TMEM132B: variants seen among roughly 807,000 people sequenced by gnomAD.
TMEM132B encodes the protein transmembrane protein 132B.
TMEM132B carries 18 observed loss-of-function variants against 90.8 expected under a neutral mutation model. The observed-to-expected ratio is 0.20, with a 90% CI of 0.14 to 0.29. The LOEUF (loss-of-function observed/expected upper bound fraction) is 0.29, where lower values mean the gene tolerates loss of function less well. TMEM132B is among the 10% of genes least tolerant of loss of function. The probability of loss-of-function intolerance (pLI) is 1.00; values close to 1 mark genes in which losing one functional copy is unlikely to be tolerated. For missense variants in TMEM132B, 1,096 were observed against 1,326.8 expected, an observed-to-expected ratio of 0.83 and a Z score of 2.70; for synonymous variants, 504 against 523.3, an observed-to-expected ratio of 0.96 and a Z score of 0.50.
intron 2 of TMEM132B, among the ~76,000 whole-genome samples, chr12:125,357,461 C>A (rs1285418615): frequency 6.6e-6 from 1 of 152,140 alleles, no homozygotes; most frequent in Non-Finnish European, 1.5e-5. Context: ...AATCATATCA[C>A]TTTTTAAAAC....
At chr12:125,343,864 G>C (rs980448903) in intron 1 of TMEM132B, among the ~76,000 whole-genome samples, 9 of 152,186 alleles carry the variant, frequency 5.9e-5, no homozygotes, top group African/African-American at 1.9e-4. Context: ...TGAATGGAGT[G>C]ATAGTGTGAT....
intron 2 of TMEM132B, among the ~76,000 whole-genome samples, chr12:125,394,636 G>A (rs1346031580): frequency 4.6e-5 from 7 of 152,194 alleles, no homozygotes; most frequent in Admixed American, 4.6e-4. Flanking sequence ...TTTGGACAAA[G>A]TAAGTTTGAT....
At chr12:125,404,966 C>A (rs965150657) in intron 2 of TMEM132B, among the ~76,000 whole-genome samples, 5 of 152,182 alleles carry the variant, frequency 3.3e-5, no homozygotes, top group African/African-American at 1.2e-4. Flanking sequence ...TACAGCGTAA[C>A]ATAATAATAA....
At chr12:125,187,826 C>T (rs2136044276) in intron 1 of TMEM132B, among the ~76,000 whole-genome samples, 1 of 142,274 alleles carries the variant, frequency 7.0e-6, no homozygotes, top group South Asian at 2.3e-4. Context: ...AGATGAACCC[C>T]GGGAACAGTC....
chr12:125,334,276 A>G (rs1372045295), intron 1 of TMEM132B, among the ~76,000 whole-genome samples: 2 of 152,212 alleles, frequency 1.3e-5, no homozygotes, highest in Admixed American at 1.3e-4. Context: ...AAGCATGGGT[A>G]TATCATTGCT....
chr12:125,511,152 A>ATATAT (rs375722309), intron 3 of TMEM132B, among the ~76,000 whole-genome samples: 1,844 of 152,192 alleles, frequency 0.012, 13 homozygotes, highest in Middle Eastern at 0.034. Context: ...CAATGGAGTC[A>ATATAT]TATATCCTCT....
chr12:125,604,019 A>G (rs1051785918), intron 5 of TMEM132B, among the ~76,000 whole-genome samples: 16 of 152,222 alleles, frequency 1.1e-4, no homozygotes, highest in Admixed American at 6.5e-4. Context: ...TAGTTCAATC[A>G]TTGTGGAAGA....
intron 1 of TMEM132B, among the ~76,000 whole-genome samples, chr12:125,195,861 G>A (rs1246265765): frequency 6.6e-6 from 1 of 152,178 alleles, no homozygotes; most frequent in Admixed American, 6.5e-5. Context: ...CAGGGTCGAG[G>A]GACAGAAGGG....
At chr12:125,485,742 G>A (rs1483118140) in intron 3 of TMEM132B, among the ~76,000 whole-genome samples, 1 of 152,150 alleles carries the variant, frequency 6.6e-6, no homozygotes, top group Non-Finnish European at 1.5e-5. Context: ...AATATTAAGT[G>A]TTCACTGTGA....
chr12:125,386,144 C>T (rs1007468464), intron 2 of TMEM132B, among the ~76,000 whole-genome samples: 2 of 152,144 alleles, frequency 1.3e-5, no homozygotes, highest in Admixed American at 1.3e-4. Context: ...CTCACCACCA[C>T]TCCTGGCTTG....
At chr12:125,302,452 G>A (rs1470537878) in intron 1 of TMEM132B, among the ~76,000 whole-genome samples, 1 of 152,054 alleles carries the variant, frequency 6.6e-6, no homozygotes, top group Non-Finnish European at 1.5e-5. Context: ...GGATGTGTTA[G>A]ACAAATGCTT....
At chr12:125,597,837 G>A (rs1419818747) in intron 5 of TMEM132B, among the ~76,000 whole-genome samples, 2 of 152,176 alleles carry the variant, frequency 1.3e-5, no homozygotes, top group Non-Finnish European at 2.9e-5. Flanking sequence ...AGTTTAGAGA[G>A]TTAGGTGTCC....
intron 2 of TMEM132B, among the ~76,000 whole-genome samples, chr12:125,391,652 T>G (rs1011882599): frequency 6.6e-6 from 1 of 152,204 alleles, no homozygotes; most frequent in Non-Finnish European, 1.5e-5. Flanking sequence ...GCTTGCGTTC[T>G]GCTCCCTCCC....
chr12:125,511,394 T>C (rs1882974306), intron 3 of TMEM132B, among the ~76,000 whole-genome samples: 2 of 152,144 alleles, frequency 1.3e-5, no homozygotes, highest in Non-Finnish European at 2.9e-5. Context: ...TTGTAGTCGG[T>C]TCCAGGAACT....
intron 1 of TMEM132B, among the ~76,000 whole-genome samples, chr12:125,247,562 A>C (rs940402978): frequency 6.6e-6 from 1 of 152,212 alleles, no homozygotes; most frequent in African/African-American, 2.4e-5. Context: ...GGTGGCTGAC[A>C]TATCTTGGCC....
intron 5 of TMEM132B, among the ~76,000 whole-genome samples, chr12:125,601,258 A>T (rs1287490577): frequency 6.6e-6 from 1 of 152,206 alleles, no homozygotes; most frequent in East Asian, 1.9e-4. Context: ...TGAAATCTTA[A>T]CAGTCTCTCA....
At chr12:125,612,280 C>A (rs1308764916) in intron 5 of TMEM132B, among the ~76,000 whole-genome samples, 1 of 151,812 alleles carries the variant, frequency 6.6e-6, no homozygotes, top group Non-Finnish European at 1.5e-5. Context: ...TTGAGACGAG[C>A]CTGACCAACT....
At chr12:125,308,751 G>T (rs920657170) in intron 1 of TMEM132B, among the ~76,000 whole-genome samples, 1 of 151,232 alleles carries the variant, frequency 6.6e-6, no homozygotes, top group African/African-American at 2.4e-5. Flanking sequence ...TTTGCAGCAG[G>T]TCTTTTATTA....
At chr12:125,411,468 C>T (rs1246607184) in intron 2 of TMEM132B, among the ~76,000 whole-genome samples, 1 of 151,824 alleles carries the variant, frequency 6.6e-6, no homozygotes, top group African/African-American at 2.4e-5. Context: ...ACCTATGTAA[C>T]AAACCTGCAC....
Sources: allele counts gnomAD v4.1 joint callset (sites outside exome capture counted in the v4.1 genomes callset), GRCh38; gene constraint gnomAD v4.1.1; transcripts MANE v1.5; gene names NCBI Gene and HGNC (gene_info 2026-07-23, HGNC 2026-07-21).